GABPB2: variants seen among roughly 807,000 people sequenced by gnomAD.
GABPB2 encodes GA-binding protein subunit beta-2.
Under a neutral mutation model 39.1 loss-of-function variants are expected in GABPB2, and 23 were observed. That is an observed-to-expected ratio of 0.59 (90% CI 0.42 to 0.83). GABPB2 has a LOEUF of 0.83. GABPB2 is among the 40% of genes least tolerant of loss of function. The pLI, the probability that GABPB2 is intolerant of heterozygous loss-of-function variation, is 0.00. For missense variants in GABPB2, 467 were observed against 541.1 expected, an observed-to-expected ratio of 0.86 and a Z score of 1.36; for synonymous variants, 184 against 199.3, an observed-to-expected ratio of 0.92 and a Z score of 0.65.
In GABPB2 at chr1:151,118,023, C is replaced by T. The variant is rs752198302; in HGVS notation, c.1114C>T (p.Arg372Ter). 5.4e-5 allele frequency: 87 copies of T among 1,614,016 alleles called. No homozygotes were observed. The highest frequency in any genetic ancestry group is 6.9e-5 in the Non-Finnish European group (82 of 1,180,022). The change falls in exon 9 of 9, where the codon CGA (arginine) becomes TGA (stop). Residue 372 changes from arginine (R) to a stop codon, truncating the protein, a stop_gained. Coordinates refer to ENST00000368918, the MANE Select transcript of GABPB2 (RefSeq NM_144618.3). LOFTEE classifies it high-confidence loss of function. ...QEANRRAQEY[R>*]HQLLKKEQEA... Reference sequence around the variant, plus strand: ...GGCCAATCGAAGAGCCCAGGAATACCGACACCAGCTCCTAAAGAAAGAGCA... The same window carrying T: ...GGCCAATCGAAGAGCCCAGGAATACTGACACCAGCTCCTAAAGAAAGAGCA...
At chr1:151,112,234 A>AAC (rs1553267783) in intron 7 of GABPB2, 12 of 150,432 alleles carry the variant, frequency 8.0e-5, no homozygotes, top group East Asian at 3.9e-4. Context: ...AAAAAAAAAA[A>AAC]AAAAAAAAAA....
intron 5 of GABPB2, among the ~76,000 whole-genome samples, chr1:151,098,941 G>A (rs972232673): frequency 2.6e-5 from 4 of 151,902 alleles, no homozygotes; most frequent in South Asian, 2.1e-4. Flanking sequence ...AAAATTAGCC[G>A]GCTGTGGTGG....
intron 1 of GABPB2, among the ~76,000 whole-genome samples, chr1:151,072,786 G>T (rs1035977964): frequency 3.9e-5 from 6 of 152,180 alleles, no homozygotes; most frequent in African/African-American, 1.4e-4. Context: ...GGCAGAGGTT[G>T]CAGTGAGACA....
intron 3 of GABPB2, among the ~76,000 whole-genome samples, chr1:151,091,724 G>A (rs1196098695): frequency 6.6e-6 from 1 of 151,908 alleles, no homozygotes; most frequent in East Asian, 1.9e-4. Flanking sequence ...TGATCTGCCT[G>A]CCTCGGACTC....
intron 1 of GABPB2, among the ~76,000 whole-genome samples, chr1:151,081,955 T>C (rs1677741115): frequency 6.6e-6 from 1 of 151,976 alleles, no homozygotes; most frequent in African/African-American, 2.4e-5. Context: ...CATTCTTATA[T>C]CTACTTCATT....
intron 7 of GABPB2, among the ~76,000 whole-genome samples, chr1:151,114,551 A>G (rs943627885): frequency 6.6e-6 from 1 of 152,074 alleles, no homozygotes; most frequent in Non-Finnish European, 1.5e-5. Context: ...TACAAAAATT[A>G]TCTGGGTGTG....
intron 7 of GABPB2, among the ~76,000 whole-genome samples, chr1:151,111,217 C>T (rs1490067038): frequency 6.6e-6 from 1 of 151,856 alleles, no homozygotes; most frequent in East Asian, 1.9e-4. Context: ...CCAAGTGATC[C>T]TCCTGCTACA....
rs71577269 is a variant in GABPB2 at position 151,110,005 on chromosome 1, A to ATTTTTT, written c.922+2815_922+2820dup. 1.5e-4 allele frequency among the ~76,000 whole-genome samples: 9 copies of ATTTTTT among 60,762 alleles called. 2 individuals are homozygous for ATTTTTT. The highest frequency in any genetic ancestry group is 1.9e-3 in the South Asian group (2 of 1,034). The allele number at this position is 60,762 out of a possible 152,430, so 39.9% of individuals were successfully genotyped here. ...AATCATGTGCCACCATGCCCAGCTA[A>ATTTTTT]TTTTTTTTTTTTTTTTTTTTTTTTT... On this transcript the variant is annotated intron_variant, in intron 7 of 8. Transcript: ENST00000368918.
At chr1:151,103,855 C>T (rs587716031) in intron 6 of GABPB2, among the ~76,000 whole-genome samples, 180 bp downstream of exon 6, 1 of 152,190 alleles carries the variant, frequency 6.6e-6, no homozygotes. Flanking sequence ...TATAATCAGA[C>T]AGCTGAATAA....
At chr1:151,082,547 C>T (rs1413182899) in intron 1 of GABPB2, among the ~76,000 whole-genome samples, 19 of 150,802 alleles carry the variant, frequency 1.3e-4, no homozygotes, top group East Asian at 3.9e-4. Context: ...GGACTACAGG[C>T]GCCCACCACC....
At chr1:151,084,075 T>TA (rs1004972355) in intron 1 of GABPB2, among the ~76,000 whole-genome samples, 115 of 145,410 alleles carry the variant, frequency 7.9e-4, no homozygotes, top group Non-Finnish European at 1.1e-3. Flanking sequence ...AATATATATA[T>TA]TTTTTTAATG....
At chr1:151,086,960 T>C (rs1014225259) in intron 1 of GABPB2, among the ~76,000 whole-genome samples, 1 of 152,196 alleles carries the variant, frequency 6.6e-6, no homozygotes, top group East Asian at 1.9e-4. Flanking sequence ...GTTCAAGCAA[T>C]TGTCCTGCCT....
intron 4 of GABPB2, among the ~76,000 whole-genome samples, chr1:151,094,043 C>CTTT (rs59092942): frequency 2.4e-4 from 13 of 54,044 alleles, no homozygotes; most frequent in African/African-American, 9.0e-4. Context: ...TGATTTCGTC[C>CTTT]TTTTTTTTTT....
In GABPB2 at chr1:151,093,293, T is replaced by C. The variant is rs1159688586; in HGVS notation, c.378T>C (p.Tyr126=). 1.2e-6 allele frequency: 2 copies of C among 1,613,132 alleles called. No homozygotes were observed. The highest frequency in any genetic ancestry group is 1.1e-5 in the South Asian group (1 of 90,764). The change falls in exon 4 of 9, where the codon TAT becomes TAC. Residue 126 remains tyrosine, a synonymous_variant. Transcript: ENST00000368918. ...HRDVVELLIK[Y]GADVHAFSKF... ...ATGTCGTAGAGTTACTTATCAAATATGGAGCTGATGTCCATGCTTTCAGCA... is the reference window on the plus strand; with the variant it reads ...ATGTCGTAGAGTTACTTATCAAATACGGAGCTGATGTCCATGCTTTCAGCA...
At chr1:151,096,409 C>T (rs1240914455) in intron 4 of GABPB2, among the ~76,000 whole-genome samples, 1 of 151,310 alleles carries the variant, frequency 6.6e-6, no homozygotes, top group African/African-American at 2.4e-5. Context: ...AGTGGGACTC[C>T]GTCTCAAAAA....
chr1:151,113,914 A>G (rs1189091823), intron 7 of GABPB2, among the ~76,000 whole-genome samples: 1 of 152,186 alleles, frequency 6.6e-6, no homozygotes, highest in East Asian at 1.9e-4. Flanking sequence ...TTCCCTTGAT[A>G]CCCATCCAAG....
intron 1 of GABPB2, among the ~76,000 whole-genome samples, chr1:151,087,685 A>T (rs1408093867): frequency 6.6e-6 from 1 of 152,026 alleles, no homozygotes; most frequent in East Asian, 1.9e-4. Flanking sequence ...GGAAACCTTG[A>T]TGTGTCCTGT....
At chr1:151,107,798 T>C (rs866022560) in intron 7 of GABPB2, among the ~76,000 whole-genome samples, 14 of 152,026 alleles carry the variant, frequency 9.2e-5, no homozygotes, top group African/African-American at 3.1e-4. Context: ...TAGCCAGGCA[T>C]GGTGGCGCAC....
In GABPB2 at chr1:151,120,947, G is replaced by A. The variant is rs936470444; in HGVS notation, c.*2691G>A. ...AATTTTGTATATTCAGTAGAGACAG[G>A]GTTTCTCTATGTTGGTCAGGCTGGT... On this transcript the variant is annotated 3_prime_UTR_variant, in exon 9 of 9. Transcript: ENST00000368918. 1 of 151,952 alleles carries A rather than the reference G, an allele frequency of 6.6e-6. No homozygotes were observed. Among genetic ancestry groups the A allele is most frequent in the Admixed American group, 6.6e-5 (1 of 15,218 alleles). 9.4% of individuals were successfully genotyped at this position (151,952 alleles called of 1,614,324 possible). A position where few individuals can be genotyped will look rare whatever the true frequency, so the allele number is the denominator to read the frequency against.
Sources: gnomAD v4.1 joint callset for allele counts (sites outside exome capture counted in the v4.1 genomes callset) on GRCh38, gnomAD v4.1.1 for gene constraint, MANE v1.5 for transcripts, NCBI Gene and HGNC (gene_info 2026-07-23, HGNC 2026-07-21) for gene names.